HTR1F: variants seen among roughly 807,000 people sequenced by gnomAD.
HTR1F encodes 5-hydroxytryptamine (serotonin) receptor 1F, G protein-coupled.
Under a neutral mutation model 24.0 loss-of-function variants are expected in HTR1F, and 17 were observed. The ratio of observed to expected loss-of-function variants is 0.71; its 90% CI spans 0.48 to 1.06. HTR1F has a LOEUF of 1.06. HTR1F is among the 50% of genes least tolerant of loss of function. The pLI is 0.00. For synonymous variants in HTR1F, 186 were observed against 156.8 expected (o/e 1.19, Z -1.39); for missense variants, 391 against 427.8 (o/e 0.91, Z 0.76).
chr3:87,922,319 TA>T (rs1704028133), intron 2 of HTR1F, among the ~76,000 whole-genome samples: 1 of 151,970 alleles, frequency 6.6e-6, no homozygotes, highest in African/African-American at 2.4e-5. Context: ...CATTTATAGG[TA>T]TTTTTTCAGA....
intron 2 of HTR1F, among the ~76,000 whole-genome samples, chr3:87,880,630 ATG>A (rs1705770437): frequency 7.1e-6 from 1 of 141,396 alleles, no homozygotes; most frequent in South Asian, 2.2e-4. Flanking sequence ...CAGCTACAAA[ATG>A]TGTGTGTGTT....
At chr3:87,880,461 T>C (rs552518542) in intron 2 of HTR1F, among the ~76,000 whole-genome samples, 1 of 152,202 alleles carries the variant, frequency 6.6e-6, no homozygotes, top group Non-Finnish European at 1.5e-5. Flanking sequence ...TTTCTTAGGA[T>C]ACATAGTGAG....
chr3:87,888,387 C>T (rs1706005665), intron 2 of HTR1F, among the ~76,000 whole-genome samples: 1 of 152,004 alleles, frequency 6.6e-6, no homozygotes, highest in Non-Finnish European at 1.5e-5. Context: ...TTAATGGGTG[C>T]AGAAAATCAA....
chr3:87,853,134 C>T (rs900151241), intron 2 of HTR1F, among the ~76,000 whole-genome samples: 1 of 149,908 alleles, frequency 6.7e-6, no homozygotes, highest in Non-Finnish European at 1.5e-5. Flanking sequence ...TCATGTCATG[C>T]GAGTGTGTTG....
chr3:87,975,830 G>T (rs1418724921), intron 2 of HTR1F, among the ~76,000 whole-genome samples: 1 of 152,206 alleles, frequency 6.6e-6, no homozygotes, highest in African/African-American at 2.4e-5. Flanking sequence ...CATTTGAGCA[G>T]AGCTCCAAAT....
intron 2 of HTR1F, among the ~76,000 whole-genome samples, chr3:87,886,645 C>G (rs1472815328): frequency 6.6e-6 from 1 of 152,178 alleles, no homozygotes; most frequent in Non-Finnish European, 1.5e-5. Flanking sequence ...AGCAAAGTCT[C>G]AGGATACAAA....
At chr3:87,906,455 CTT>C (rs1321760478) in intron 2 of HTR1F, among the ~76,000 whole-genome samples, 3 of 151,944 alleles carry the variant, frequency 2.0e-5, no homozygotes, top group Admixed American at 6.6e-5. Context: ...AAATAAAAAT[CTT>C]TTCTTGTTGA....
chr3:87,973,510 T>C (rs879473304), intron 2 of HTR1F, among the ~76,000 whole-genome samples: 3 of 152,170 alleles, frequency 2.0e-5, no homozygotes, highest in Non-Finnish European at 4.4e-5. Context: ...CAGGCAAAAC[T>C]GCTATAACCG....
Position 87,979,202 on chromosome 3 carries a change from A to G in HTR1F, c.-42-11506A>G, listed in dbSNP as rs1235030036. On this transcript the variant is annotated intron_variant, in intron 2 of 2. Transcript: ENST00000319595. ...ACCCTAATCGGCAGTCAGGGACTGAAGTCAGTCCAGGGGCCTTTGGATAAT... is the reference window on the plus strand; with the variant it reads ...ACCCTAATCGGCAGTCAGGGACTGAGGTCAGTCCAGGGGCCTTTGGATAAT... 2.0e-5 allele frequency among the ~76,000 whole-genome samples: 3 copies of G among 151,792 alleles called. No homozygotes were observed. In the East Asian group the frequency reaches 5.9e-4, roughly 30 times the overall value.
intron 2 of HTR1F, among the ~76,000 whole-genome samples, chr3:87,877,473 A>G (rs1705695255): frequency 6.6e-6 from 1 of 152,160 alleles, no homozygotes; most frequent in African/African-American, 2.4e-5. Flanking sequence ...ATGAGAAATT[A>G]CTTAAGAAAT....
chr3:87,936,209 T>C (rs145173226), intron 2 of HTR1F, among the ~76,000 whole-genome samples: 2 of 152,314 alleles, frequency 1.3e-5, no homozygotes, highest in East Asian at 3.9e-4. Context: ...CTCCAAATAA[T>C]ATATTTATAC....
At chr3:87,938,136 T>C (rs534491418) in intron 2 of HTR1F, among the ~76,000 whole-genome samples, 6 of 152,052 alleles carry the variant, frequency 3.9e-5, no homozygotes, top group African/African-American at 1.4e-4. Context: ...AACATTCCTA[T>C]ACACCAACAA....
chr3:87,838,522 A>T (rs1704730184), intron 2 of HTR1F, among the ~76,000 whole-genome samples: 1 of 152,052 alleles, frequency 6.6e-6, no homozygotes, highest in Admixed American at 6.6e-5. Flanking sequence ...TTTTTATATT[A>T]CTTAACATAA....
At chr3:87,951,317 G>C (rs939552110) in intron 2 of HTR1F, among the ~76,000 whole-genome samples, 7 of 152,126 alleles carry the variant, frequency 4.6e-5, no homozygotes, top group African/African-American at 1.4e-4. Flanking sequence ...GCTAGACACT[G>C]TACAGTTTAG....
chr3:87,910,499 T>G (rs1703755275), intron 2 of HTR1F, among the ~76,000 whole-genome samples: 1 of 152,002 alleles, frequency 6.6e-6, no homozygotes, highest in Non-Finnish European at 1.5e-5. Context: ...ACAAAGAGAC[T>G]TAGAGTCCCG....
chr3:87,889,560 GA>G (rs1706033268), intron 2 of HTR1F, among the ~76,000 whole-genome samples: 2 of 152,056 alleles, frequency 1.3e-5, no homozygotes, highest in South Asian at 4.1e-4. Flanking sequence ...ATTTGGAGGT[GA>G]AAAAAACTTG....
chr3:87,968,853 G>A (rs967617121), intron 2 of HTR1F, among the ~76,000 whole-genome samples: 7 of 152,194 alleles, frequency 4.6e-5, no homozygotes, highest in South Asian at 2.1e-4. Flanking sequence ...GGCAAAAACG[G>A]TTTCCTGGGC....
At chr3:87,880,957 G>A (rs552457285) in intron 2 of HTR1F, among the ~76,000 whole-genome samples, 70 of 152,300 alleles carry the variant, frequency 4.6e-4, no homozygotes, top group African/African-American at 1.4e-3. Context: ...AGTATGAGTG[G>A]TTCCAAGATG....
intron 1 of HTR1F, among the ~76,000 whole-genome samples, chr3:87,802,256 CTTTTT>C: frequency 7.2e-5 from 6 of 83,832 alleles, no homozygotes; most frequent in African/African-American, 5.6e-4. Context: ...TTCCTTCCTT[CTTTTT>C]CTTTCTTTCC....
Sources: allele counts gnomAD v4.1 joint callset (sites outside exome capture counted in the v4.1 genomes callset), GRCh38; gene constraint gnomAD v4.1.1; transcripts MANE v1.5; gene names NCBI Gene and HGNC (gene_info 2026-07-23, HGNC 2026-07-21).